The following FRMPD3 variants were observed in gnomAD, a reference collection of about 807,000 sequenced individuals.
FRMPD3 encodes the protein FERM and PDZ domain-containing protein 3.
A neutral mutation model predicts 97.9 loss-of-function variants in FRMPD3; 42 were observed. The observed-to-expected ratio is 0.43, with a 90% CI of 0.34 to 0.55. The LOEUF (loss-of-function observed/expected upper bound fraction) is 0.55. Among genes scored for constraint, FRMPD3 ranks in the 20% least tolerant of loss-of-function variants. The probability of loss-of-function intolerance (pLI) is 0.03; values close to 1 mark genes in which losing one functional copy is unlikely to be tolerated. For missense variants in FRMPD3, 1,303 were observed against 1,457.7 expected (o/e 0.89, Z 1.73); for synonymous variants, 577 against 581.1 (o/e 0.99, Z 0.10).
At chrX:107,497,495 C>T (rs1355093418) in intron 1 of FRMPD3, among the ~76,000 whole-genome samples, 1 of 112,314 alleles carries the variant, frequency 8.9e-6, no homozygotes, top group African/African-American at 3.2e-5. Flanking sequence ...CCTTTCCAGG[C>T]CTGATGGGGA....
chrX:107,517,312 G>A (rs1320298395), intron 1 of FRMPD3, among the ~76,000 whole-genome samples: 1 of 111,813 alleles, frequency 8.9e-6, no homozygotes, highest in Non-Finnish European at 1.9e-5. Context: ...ATTTGGTGGC[G>A]GTAAGATGAA....
intron 3 of FRMPD3, among the ~76,000 whole-genome samples, chrX:107,532,735 T>G (rs1424882474): frequency 8.9e-6 from 1 of 112,418 alleles, no homozygotes; most frequent in Non-Finnish European, 1.9e-5. Flanking sequence ...TTGACTCTAC[T>G]TCTTAAATGA....
chrX:107,595,893 G>A (rs1166913223), intron 13 of FRMPD3, among the ~76,000 whole-genome samples: 11 of 104,660 alleles, frequency 1.1e-4, no homozygotes, highest in African/African-American at 3.5e-4. Flanking sequence ...AGCCGAGGTC[G>A]CACCACTGGA....
At chrX:107,514,503 A>G (rs1922253445) in intron 1 of FRMPD3, among the ~76,000 whole-genome samples, 1 of 105,921 alleles carries the variant, frequency 9.4e-6, no homozygotes, top group Non-Finnish European at 1.9e-5. Context: ...ATCCCGGATG[A>G]GCTTTCTTTT....
intron 1 of FRMPD3, among the ~76,000 whole-genome samples, chrX:107,465,673 C>T (rs112302084): frequency 0.027 from 3,015 of 111,079 alleles, 98 homozygotes; most frequent in African/African-American, 0.093. Flanking sequence ...GTCCTCTGGT[C>T]ATTTATATCT....
chrX:107,494,971 A>C (rs192433439), intron 1 of FRMPD3, among the ~76,000 whole-genome samples: 3 of 112,289 alleles, frequency 2.7e-5, no homozygotes, highest in African/African-American at 9.7e-5. Flanking sequence ...TTTGCCTCAT[A>C]ATTTCACCTA....
At chrX:107,504,878 A>C (rs1382793664) in intron 1 of FRMPD3, among the ~76,000 whole-genome samples, 7 of 111,918 alleles carry the variant, frequency 6.3e-5, no homozygotes, top group African/African-American at 2.3e-4. Flanking sequence ...ATTGCCAATA[A>C]TCAGAAAACC....
Position 107,576,358 on chromosome X carries a change from C to T in FRMPD3, c.1340C>T (p.Ala447Val). ...LMEWPEATNF[A>V]CLIAGYCRLL... The stretch of plus-strand genomic sequence containing the variant: ...GAGTGGCCTGAAGCCACCAACTTTG[C>T]CTGCCTGATCGCGGGGTACTGCCGC... The change falls in exon 13 of 15, where the codon GCC becomes GTC. Residue 447 changes from alanine (A) to valine (V), a missense_variant. By Grantham distance (64) the Ala-to-Val change is moderately conservative (BLOSUM62 0). This residue lies in a region of FRMPD3 where 535 missense variants were observed against 618.6 expected (regional missense o/e 0.86). Coordinates refer to ENST00000683843, the MANE Select transcript of FRMPD3 (RefSeq NM_001388459.1). 1 of 1,210,722 alleles carries T rather than the reference C, an allele frequency of 8.3e-7. No individual in the cohort carries two copies.
At position 107,603,438 on chromosome X, in the gene FRMPD3, G is replaced by A. The variant is rs996039002; in HGVS notation, c.*65G>A. 8 of 1,109,893 alleles carry A rather than the reference G, an allele frequency of 7.2e-6. No homozygotes were observed. The highest frequency in any genetic ancestry group is 8.3e-6 in the Non-Finnish European group (7 of 845,520). The allele number at this position is 1,109,893 out of a possible 1,213,427, so 91.5% of individuals were successfully genotyped here. A position where few individuals can be genotyped will look rare whatever the true frequency, so the allele number is the denominator to read the frequency against. On this transcript the variant is annotated 3_prime_UTR_variant, in exon 15 of 15. Transcript: ENST00000683843. ...CCCAGGTTTGAGCTTTGTGGTCCTT[G>A]CATCTTGTGGTGAGTGTGTGTGTGT...
intron 2 of FRMPD3, 98 bp downstream of exon 2, chrX:107,526,834 T>C: frequency 1.1e-6 from 1 of 910,009 alleles, no homozygotes; most frequent in Non-Finnish European, 1.5e-6. Context: ...TCTAACTGTC[T>C]TGCTGAAGAA....
Position 107,605,107 on chromosome X carries a change from C to T in FRMPD3, c.*1734C>T, listed in dbSNP as rs186074680. 2.7e-5 allele frequency: 3 copies of T among 110,945 alleles called. No homozygotes were observed. The highest frequency in any genetic ancestry group is 6.6e-5 in the African/African-American group (2 of 30,529). 9.1% of individuals were successfully genotyped at this position (110,945 alleles called of 1,213,427 possible). A position where few individuals can be genotyped will look rare whatever the true frequency, so the allele number is the denominator to read the frequency against. On this transcript the variant is annotated 3_prime_UTR_variant, in exon 15 of 15. Transcript: ENST00000683843. ...GTCATTCCACCGCCATCCTTCACCTCTCCCTCAGCCTCATGGAGAGGAAAC... is the reference window on the plus strand; with the variant it reads ...GTCATTCCACCGCCATCCTTCACCTTTCCCTCAGCCTCATGGAGAGGAAAC...
intron 4 of FRMPD3, 147 bp downstream of exon 4, chrX:107,533,697 C>T (rs1164778065): frequency 4.0e-6 from 2 of 503,644 alleles, no homozygotes; most frequent in African/African-American, 2.3e-5. Flanking sequence ...TTAAAGAATA[C>T]CTTCTGAACA....
intron 1 of FRMPD3, among the ~76,000 whole-genome samples, chrX:107,477,510 C>A (rs1205765359): frequency 1.8e-5 from 2 of 112,758 alleles, no homozygotes; most frequent in Non-Finnish European, 3.7e-5. Flanking sequence ...TATGCATGAG[C>A]TGAACATTGA....
chrX:107,490,910 G>A (rs1471302722), intron 1 of FRMPD3, among the ~76,000 whole-genome samples: 1 of 112,039 alleles, frequency 8.9e-6, no homozygotes, highest in Non-Finnish European at 1.9e-5. Context: ...TGGATGACTA[G>A]CTAGCTGGTT....
At chrX:107,463,745 G>A (rs1414972284) in intron 1 of FRMPD3, among the ~76,000 whole-genome samples, 2 of 112,732 alleles carry the variant, frequency 1.8e-5, no homozygotes, top group Admixed American at 9.4e-5. Context: ...TTGAGTTAAG[G>A]CATTATCTCC....
At chrX:107,591,345 C>A (rs183948484) in intron 13 of FRMPD3, among the ~76,000 whole-genome samples, 1 of 110,556 alleles carries the variant, frequency 9.0e-6, no homozygotes, top group Non-Finnish European at 1.9e-5. Flanking sequence ...TTAGTAGAGA[C>A]GAGGTTTCAC....
intron 1 of FRMPD3, among the ~76,000 whole-genome samples, chrX:107,481,535 T>C (rs1225743865): frequency 2.7e-5 from 3 of 112,007 alleles, no homozygotes; most frequent in Non-Finnish European, 5.6e-5. Context: ...GCCTGGTGTC[T>C]ACATTAATCA....
intron 4 of FRMPD3, 70 bp downstream of exon 4, chrX:107,533,620 C>A: frequency 9.9e-7 from 1 of 1,005,059 alleles, no homozygotes; most frequent in Non-Finnish European, 1.4e-6. Context: ...TATTGGAAAG[C>A]AACAGTGATG....
At chrX:107,494,677 A>G (rs1428577920) in intron 1 of FRMPD3, among the ~76,000 whole-genome samples, 2 of 111,997 alleles carry the variant, frequency 1.8e-5, no homozygotes, top group East Asian at 2.8e-4. Flanking sequence ...CATTACCTCA[A>G]TCCTCACAAT....
Sources: allele counts gnomAD v4.1 joint callset (sites outside exome capture counted in the v4.1 genomes callset), GRCh38; gene constraint gnomAD v4.1.1; regional missense constraint gnomAD v4.1.1; transcripts MANE v1.5; gene names NCBI Gene and HGNC (gene_info 2026-07-23, HGNC 2026-07-21).